TRABD2B: variants seen among roughly 807,000 people sequenced by gnomAD.
The protein encoded by TRABD2B is metalloprotease TIKI2.
In TRABD2B, 14 loss-of-function variants were observed where a neutral mutation model predicts 40.1. The ratio of observed to expected loss-of-function variants is 0.35; its 90% CI spans 0.23 to 0.55. The LOEUF is 0.55. Ranked by LOEUF, TRABD2B falls within the 20% of genes least tolerant of loss-of-function variation. TRABD2B has a pLI of 0.90. For missense variants in TRABD2B, 541 were observed against 648.6 expected (o/e 0.83, Z 1.80); for synonymous variants, 263 against 277.0 (o/e 0.95, Z 0.50).
At chr1:47,932,899 C>T (rs1645057861) in intron 2 of TRABD2B, among the ~76,000 whole-genome samples, 1 of 152,312 alleles carries the variant, frequency 6.6e-6, no homozygotes, top group South Asian at 2.1e-4. Context: ...GCTCTTACAG[C>T]AGTTGATACT....
chr1:47,816,109 GT>G (rs1186462886), intron 2 of TRABD2B, among the ~76,000 whole-genome samples: 1 of 152,084 alleles, frequency 6.6e-6, no homozygotes, highest in Admixed American at 6.5e-5. Context: ...GGCTGTTTTT[GT>G]GTCTTCAGCC....
At chr1:47,778,642 G>A in intron 4 of TRABD2B, 98 bp from the exon 5 acceptor site, 1 of 826,884 alleles carries the variant, frequency 1.2e-6, no homozygotes, top group East Asian at 2.7e-5. Flanking sequence ...CTGGGCCAGT[G>A]ACCTACACCA....
chr1:47,770,972 G>A (rs1230035568), intron 6 of TRABD2B, among the ~76,000 whole-genome samples: 1 of 152,208 alleles, frequency 6.6e-6, no homozygotes, highest in African/African-American at 2.4e-5. Context: ...CTCAAAGTAA[G>A]TAAAAGGGGG....
intron 2 of TRABD2B, among the ~76,000 whole-genome samples, chr1:47,884,478 C>T (rs1041112852): frequency 1.3e-5 from 2 of 152,148 alleles, no homozygotes; most frequent in East Asian, 1.9e-4. Flanking sequence ...CTCCTTACAA[C>T]CTACACACCG....
At chr1:47,884,645 G>A (rs969069158) in intron 2 of TRABD2B, among the ~76,000 whole-genome samples, 8 of 151,870 alleles carry the variant, frequency 5.3e-5, no homozygotes, top group African/African-American at 1.7e-4. Context: ...ACAGAGTCTC[G>A]CTCTGTCGCC....
intron 2 of TRABD2B, among the ~76,000 whole-genome samples, chr1:47,965,243 G>A (rs1237741398): frequency 8.2e-6 from 1 of 122,502 alleles, no homozygotes; most frequent in African/African-American, 3.1e-5. Flanking sequence ...GGATGGGGAG[G>A]TGGGGGGAAA....
At chr1:47,891,949 A>G (rs1301378543) in intron 2 of TRABD2B, among the ~76,000 whole-genome samples, 1 of 152,234 alleles carries the variant, frequency 6.6e-6, no homozygotes, top group African/African-American at 2.4e-5. Context: ...CTGGGGTCAG[A>G]TTATGCAGAG....
intron 2 of TRABD2B, among the ~76,000 whole-genome samples, chr1:47,978,195 G>T (rs1645786685): frequency 6.6e-6 from 1 of 152,096 alleles, no homozygotes; most frequent in African/African-American, 2.4e-5. Flanking sequence ...AGGGGCCATA[G>T]TTCTCCCCTT....
intron 2 of TRABD2B, among the ~76,000 whole-genome samples, chr1:47,888,987 T>C (rs1174621870): frequency 6.6e-6 from 1 of 152,190 alleles, no homozygotes; most frequent in East Asian, 1.9e-4. Flanking sequence ...TACTTCTGGG[T>C]TGTACTTGGC....
At chr1:47,984,441 A>G (rs1009577528) in intron 2 of TRABD2B, among the ~76,000 whole-genome samples, 18 of 152,262 alleles carry the variant, frequency 1.2e-4, no homozygotes, top group Admixed American at 5.2e-4. Flanking sequence ...CAAACGCGTC[A>G]TGCACAGAGC....
chr1:47,986,107 T>A (rs984742602), intron 2 of TRABD2B, among the ~76,000 whole-genome samples: 3 of 152,050 alleles, frequency 2.0e-5, no homozygotes, highest in Non-Finnish European at 4.4e-5. Context: ...CTGGAGAAGA[T>A]CATGTGTGCT....
chr1:47,780,585 C>G (rs754428163), intron 4 of TRABD2B, among the ~76,000 whole-genome samples: 50 of 152,222 alleles, frequency 3.3e-4, no homozygotes, highest in Non-Finnish European at 6.2e-4. Context: ...TGAGGGCACA[C>G]AGGAGGCCTC....
intron 2 of TRABD2B, among the ~76,000 whole-genome samples, chr1:47,925,730 C>T (rs148905332): frequency 1.3e-5 from 2 of 152,326 alleles, no homozygotes; most frequent in African/African-American, 2.4e-5. Context: ...TGAGCACTTA[C>T]TACATGCCAA....
At chr1:47,836,123 C>T (rs772440366) in intron 2 of TRABD2B, among the ~76,000 whole-genome samples, 2 of 152,126 alleles carry the variant, frequency 1.3e-5, no homozygotes, top group Non-Finnish European at 2.9e-5. Flanking sequence ...CTCGGGGCAA[C>T]TACTAGGAAA....
At chr1:47,842,488 C>G (rs1310920530) in intron 2 of TRABD2B, among the ~76,000 whole-genome samples, 1 of 152,182 alleles carries the variant, frequency 6.6e-6, no homozygotes, top group East Asian at 1.9e-4. Flanking sequence ...TCTGCCTTTC[C>G]TCTCCCTCCA....
chr1:47,967,165 A>T (rs773636426), intron 2 of TRABD2B, among the ~76,000 whole-genome samples: 3 of 152,108 alleles, frequency 2.0e-5, no homozygotes, highest in Non-Finnish European at 4.4e-5. Flanking sequence ...CTTCTCTTTT[A>T]GCAAGTTCTT....
chr1:47,882,490 C>T (rs138241282), intron 2 of TRABD2B, among the ~76,000 whole-genome samples: 13 of 152,208 alleles, frequency 8.5e-5, no homozygotes, highest in African/African-American at 3.1e-4. Context: ...TCTGGTGGTC[C>T]CAGGGTGAAG....
chr1:47,860,963 CA>C (rs1414950588), intron 2 of TRABD2B, among the ~76,000 whole-genome samples: 1 of 152,124 alleles, frequency 6.6e-6, no homozygotes, highest in African/African-American at 2.4e-5. Context: ...GACCTAGTCT[CA>C]AATATCCTGT....
rs1005107830 is a variant in TRABD2B at position 47,994,220 on chromosome 1, G to A, written c.480C>T (p.Arg160=). 3 of 1,546,522 alleles carry A rather than the reference G, an allele frequency of 1.9e-6. No individual in the cohort carries two copies. Among genetic ancestry groups the A allele is most frequent in the Non-Finnish European group, 2.6e-6 (3 of 1,151,892 alleles). The part of the protein sequence containing the change: ...LFNAIAGNWE[R]KRPVWVMLMV... ...TGAGCATCACCCAGACGGGCCTCTT[G>A]CGCTCCCAGTTGCCCGCGATGGCAT... The change falls in exon 2 of 7, where the codon CGC becomes CGT. Residue 160 remains arginine (R), a synonymous_variant. Coordinates refer to ENST00000606738, the MANE Select transcript of TRABD2B (RefSeq NM_001194986.2). This position sits in a 1 kb window ranked among gnomAD's most constrained non-coding sequence, Gnocchi z 6.7.
Sources: gnomAD v4.1 joint callset for allele counts (sites outside exome capture counted in the v4.1 genomes callset) on GRCh38, gnomAD v4.1.1 for gene constraint, Gnocchi (gnomAD v3.1) non-coding constraint, MANE v1.5 for transcripts, NCBI Gene and HGNC (gene_info 2026-07-23, HGNC 2026-07-21) for gene names.